Variants in DLG1 observed in about 807,000 individuals in gnomAD.
DLG1 encodes discs large MAGUK scaffold protein 1.
In DLG1, 42 loss-of-function variants were observed where a neutral mutation model predicts 123.4. The ratio of observed to expected loss-of-function variants is 0.34; its 90% confidence interval spans 0.27 to 0.44. The LOEUF (loss-of-function observed/expected upper bound fraction) is 0.44, where lower values mean the gene tolerates loss of function less well. DLG1 is among the 20% of genes least tolerant of loss of function. The pLI, the probability that DLG1 is intolerant of heterozygous loss-of-function variation, is 1.00. For missense variants in DLG1, 942 were observed against 1,082.6 expected (o/e 0.87, Z 1.82); for synonymous variants, 317 against 356.2 (o/e 0.89, Z 1.24).
chr3:197,214,946 TAATACC>T (rs1733322018), intron 4 of DLG1, among the ~76,000 whole-genome samples: 1 of 152,288 alleles, frequency 6.6e-6, no homozygotes, highest in Non-Finnish European at 1.5e-5. Flanking sequence ...AAATGCCCAA[TAATACC>T]TAGTTTTGAT....
intron 11 of DLG1, among the ~76,000 whole-genome samples, chr3:197,124,565 T>A (rs985141762): frequency 6.6e-6 from 1 of 151,982 alleles, no homozygotes; most frequent in Non-Finnish European, 1.5e-5. Context: ...TGAGCCACCG[T>A]GCCTGGTCTC....
At chr3:197,243,804 T>C (rs1051498488) in intron 4 of DLG1, among the ~76,000 whole-genome samples, 3 of 152,206 alleles carry the variant, frequency 2.0e-5, no homozygotes, top group African/African-American at 7.2e-5. Flanking sequence ...ACTCAGACCC[T>C]GCAGTTATCT....
intron 4 of DLG1, among the ~76,000 whole-genome samples, chr3:197,282,264 A>C (rs533758378): frequency 2.6e-4 from 39 of 152,266 alleles, no homozygotes; most frequent in Admixed American, 2.3e-3. Context: ...CAAGCCAATA[A>C]AGAAGAGATT....
At chr3:197,060,036 C>T (rs1269471337) in intron 22 of DLG1, 38 bp from the exon 23 acceptor site, 1 of 1,402,376 alleles carries the variant, frequency 7.1e-7, no homozygotes, top group Non-Finnish European at 1.0e-6. Context: ...ACAAGTGAGC[C>T]AAATATTCTC....
At chr3:197,123,282 TAAA>T (rs1217357348) in intron 11 of DLG1, among the ~76,000 whole-genome samples, 1 of 152,050 alleles carries the variant, frequency 6.6e-6, no homozygotes, top group Non-Finnish European at 1.5e-5. Context: ...GATAAGGAAT[TAAA>T]AAATTTTATC....
intron 5 of DLG1, chr3:197,184,054 A>G (rs1372511911): frequency 7.8e-6 from 10 of 1,274,974 alleles, no homozygotes; most frequent in African/African-American, 3.0e-5. Flanking sequence ...AAAAGACGAC[A>G]TAAGGTGGAT....
At chr3:197,178,797 G>A (rs1808510362) in intron 5 of DLG1, among the ~76,000 whole-genome samples, 1 of 152,152 alleles carries the variant, frequency 6.6e-6, no homozygotes, top group Non-Finnish European at 1.5e-5. Flanking sequence ...CAAGTAAAAT[G>A]AACACTGAGA....
At chr3:197,091,518 C>A (rs1757714301) in intron 14 of DLG1, among the ~76,000 whole-genome samples, 1 of 151,594 alleles carries the variant, frequency 6.6e-6, no homozygotes, top group Admixed American at 6.6e-5. Context: ...GAAAAATATG[C>A]CTTAAACAAG....
intron 16 of DLG1, among the ~76,000 whole-genome samples, chr3:197,081,494 A>T (rs1751100109): frequency 6.6e-6 from 1 of 152,226 alleles, no homozygotes; most frequent in African/African-American, 2.4e-5. Context: ...TAGAGAAAGC[A>T]AATGTGGCAA....
intron 4 of DLG1, among the ~76,000 whole-genome samples, chr3:197,254,118 G>A (rs1045480653): frequency 3.9e-5 from 6 of 152,180 alleles, no homozygotes; most frequent in African/African-American, 1.2e-4. Flanking sequence ...CTTTAATGAC[G>A]TGGGCTGGCA....
intron 10 of DLG1, 63 bp downstream of exon 10, chr3:197,136,479 A>G: frequency 1.4e-6 from 2 of 1,398,234 alleles, no homozygotes; most frequent in Admixed American, 4.0e-5. Flanking sequence ...AAATTCCAGT[A>G]TCTATCAGAA....
rs1180430022 is a variant in DLG1 at position 197,065,736 on chromosome 3, A to T, written c.2172T>A (p.Phe724Leu). Reference protein sequence around the residue: ...DRINDDLISEFPDKFGSCVPH... With the variant: ...DRINDDLISELPDKFGSCVPH... The stretch of plus-strand genomic sequence containing the variant: ...GAACACAGGATCCAAATTTGTCAGG[A>T]AATTCTGAGATCAAGTCATCATTTA... The change falls in exon 21 of 25, where the codon TTT becomes TTA. Residue 724 changes from phenylalanine to leucine, a missense_variant. Transcript: ENST00000667157. 1.9e-6 allele frequency: 3 copies of T among 1,612,072 alleles called. No individual in the cohort carries two copies. In the African/African-American group the frequency reaches 4.0e-5, roughly 22 times the overall value.
intron 3 of DLG1, among the ~76,000 whole-genome samples, chr3:197,286,112 A>C (rs1420551859): frequency 6.6e-6 from 1 of 152,248 alleles, no homozygotes; most frequent in Non-Finnish European, 1.5e-5. Context: ...GAAAAAAGCC[A>C]ATCTAAAAAG....
chr3:197,297,087 T>C, intron 2 of DLG1, 99 bp downstream of exon 2: 1 of 1,296,370 alleles, frequency 7.7e-7, no homozygotes, highest in Non-Finnish European at 1.1e-6. Flanking sequence ...CCGTGCTGTC[T>C]CATCAAAGTT....
intron 15 of DLG1, 144 bp from the exon 16 acceptor site, chr3:197,085,900 CAAGAT>C (rs375539129): frequency 2.0e-4 from 119 of 603,474 alleles, no homozygotes; most frequent in Middle Eastern, 4.5e-4. Context: ...GCACTGCATA[CAAGAT>C]AAGACAAAAA....
intron 4 of DLG1, among the ~76,000 whole-genome samples, chr3:197,273,212 A>G (rs28483529): frequency 0.16 from 20,515 of 124,474 alleles, 1,972 homozygotes; most frequent in African/African-American, 0.3. Context: ...GTGTGTGTGT[A>G]TGTGTGTGTA....
intron 5 of DLG1, among the ~76,000 whole-genome samples, chr3:197,173,897 A>G (rs1302039893): frequency 6.6e-6 from 1 of 152,214 alleles, no homozygotes; most frequent in African/African-American, 2.4e-5. Flanking sequence ...TGAGGGCAGT[A>G]GTTCAAGACC....
At chr3:197,229,127 G>C (rs1159370427) in intron 4 of DLG1, among the ~76,000 whole-genome samples, 1 of 152,076 alleles carries the variant, frequency 6.6e-6, no homozygotes, top group African/African-American at 2.4e-5. Context: ...CAACACACTG[G>C]ACAGCTTTCC....
intron 13 of DLG1, among the ~76,000 whole-genome samples, chr3:197,110,884 G>A (rs1013090041): frequency 6.6e-6 from 1 of 152,048 alleles, no homozygotes. Context: ...GCCTTAAATC[G>A]CTTGCACAGA....
Sources: allele counts gnomAD v4.1 joint callset (sites outside exome capture counted in the v4.1 genomes callset), GRCh38; gene constraint gnomAD v4.1.1; transcripts MANE v1.5; gene names NCBI Gene and HGNC (gene_info 2026-07-23, HGNC 2026-07-21).